The following ITGA7 variants were observed in gnomAD, a reference collection of about 807,000 sequenced individuals.
The protein encoded by ITGA7 is integrin alpha-7.
Under a neutral mutation model 131.6 loss-of-function variants are expected in ITGA7, and 84 were observed. That is an observed-to-expected ratio of 0.64 (90% CI 0.54 to 0.77). ITGA7 has a LOEUF of 0.77. ITGA7 is among the 30% of genes least tolerant of loss of function. The pLI, the probability that ITGA7 is intolerant of heterozygous loss-of-function variation, is 0.00. For synonymous variants in ITGA7, 548 were observed against 600.7 expected, an observed-to-expected ratio of 0.91 and a Z score of 1.28; for missense variants, 1,399 against 1,482.9, an observed-to-expected ratio of 0.94 and a Z score of 0.93.
rs372202806 is a variant in ITGA7, at chr12:55,698,586, G to A, written c.999-10C>T. 5.6e-6 allele frequency: 9 copies of A among 1,614,034 alleles called. No homozygotes were observed. The highest frequency in any genetic ancestry group is 6.8e-6 in the Non-Finnish European group (8 of 1,180,012). ...TATCAGGTCTGGCCAGCTATGGAGA[G>A]AGGGAAACATTCAGTGTGGGTCCTC... is the stretch of plus-strand genomic sequence containing the variant. On this transcript the variant is annotated splice_polypyrimidine_tract_variant and intron_variant, in intron 6 of 24. Transcript: ENST00000257879.
chr12:55,700,511 A>G lies in ITGA7; in HGVS notation c.670+388T>C, dbSNP rs892142234. On this transcript the variant is annotated intron_variant, in intron 4 of 24. Transcript: ENST00000257879. ...GCCTCTTCTTTCTAGCCCTCTCCCC[A>G]CCCTGTCCCCAACCCAGGCTTCCTG... is the stretch of plus-strand genomic sequence containing the variant. The G allele has an allele frequency of 2.4e-6, 3 of 1,262,126 alleles. No homozygotes were observed. The East Asian group carries it at 7.1e-5, about 30-fold the overall frequency. 78.2% of individuals were successfully genotyped at this position (1,262,126 alleles called of 1,614,324 possible).
rs149403824 is a variant in ITGA7 at position 55,694,828 on chromosome 12, T to G, written c.2146A>C (p.Met716Leu). Residue 716 changes from methionine to leucine, a missense_variant, in exon 15 of 25, where the codon ATG (methionine) becomes CTG (leucine). By Grantham distance (15) the Met-to-Leu change is conservative (BLOSUM62 2). Coordinates refer to ENST00000257879, the MANE Select transcript of ITGA7 (RefSeq NM_002206.3). The surrounding 1 kb of genome is among the most constrained non-coding windows in gnomAD (Gnocchi z 5.3). ...DDAHEAQLLVMLPDSLHYSGV... is the reference protein window; with the variant it reads ...DDAHEAQLLVLLPDSLHYSGV... ...GAGTAGTGCAGTGAGTCAGGAAGCA[T>G]GACCAGGAGCTGGGCTTCATGGGCA... is the stretch of plus-strand genomic sequence containing the variant. 6.3e-4 allele frequency: 1,011 copies of G among 1,613,662 alleles called. 7 individuals are homozygous for G. In the African/African-American group the frequency reaches 0.011, roughly 17 times the overall value.
rs2135928614 is a variant in ITGA7 at position 55,684,784 on chromosome 12, T to C, written c.*274A>G. ...TGAATGGGAGAGGAAGGGATTAGGATCCCTTCTCCCCACCTTTGCATCAGG... is the reference window on the plus strand; with the variant it reads ...TGAATGGGAGAGGAAGGGATTAGGACCCCTTCTCCCCACCTTTGCATCAGG... On this transcript the variant is annotated 3_prime_UTR_variant, in exon 25 of 25. Transcript: ENST00000257879. The C allele has an allele frequency of 2.1e-6, 1 of 476,704 alleles. No homozygotes were observed. The highest frequency in any genetic ancestry group is 3.3e-5 in the East Asian group (1 of 30,190). 29.5% of individuals were successfully genotyped at this position (476,704 alleles called of 1,614,324 possible). A position where few individuals can be genotyped will look rare whatever the true frequency, so the allele number is the denominator to read the frequency against.
At chr12:55,713,611 A>G (rs1460083422), upstream of ITGA7, among the ~76,000 whole-genome samples, 1 of 152,268 alleles carries the variant, frequency 6.6e-6, no homozygotes, top group African/African-American at 2.4e-5. Context: ...GAATACATAC[A>G]TGTAAAGTGC....
intron 19 of ITGA7, 43 bp from the exon 20 acceptor site, chr12:55,693,360 C>CA: frequency 1.6e-6 from 2 of 1,221,796 alleles, no homozygotes; most frequent in Non-Finnish European, 2.3e-6. Context: ...CTCAGTTTTT[C>CA]TTTTTTTTTT....
At chr12:55,714,720 A>ATATACATATATATATACACATATATACG (rs1565650602), upstream of ITGA7, among the ~76,000 whole-genome samples, 30 of 140,098 alleles carry the variant, frequency 2.1e-4, no homozygotes, top group East Asian at 1.4e-3. Context: ...ACATATATAC[A>ATATACATATATATATACACATATATACG]TATACATACA....
upstream of ITGA7, among the ~76,000 whole-genome samples, chr12:55,714,055 C>A (rs922256996): frequency 6.6e-6 from 1 of 152,226 alleles, no homozygotes; most frequent in African/African-American, 2.4e-5. Flanking sequence ...CCTGGATACA[C>A]ATTAGAATCA....
chr12:55,695,755 C>T (rs1421116190), intron 13 of ITGA7, 118 bp from the exon 14 acceptor site: 1 of 735,032 alleles, frequency 1.4e-6, no homozygotes, highest in South Asian at 1.5e-5. Context: ...CCTCAACTCT[C>T]AGATCTGCTG....
At chr12:55,691,315 C>T (rs887333316) in intron 21 of ITGA7, among the ~76,000 whole-genome samples, 20 of 151,760 alleles carry the variant, frequency 1.3e-4, no homozygotes, top group African/African-American at 4.6e-4. Flanking sequence ...GGAGTGGAGG[C>T]GGGGTGTGGC....
In ITGA7 at chr12:55,694,080, C is replaced by T. The variant is rs761965919; in HGVS notation, c.2476G>A (p.Gly826Ser). The change falls in exon 19 of 25, where the codon GGC becomes AGC. Residue 826 changes from glycine (G) to serine (S), a missense_variant. By Grantham distance (56) the Gly-to-Ser change is moderately conservative. Transcript: ENST00000257879. The surrounding 1 kb of genome is among the most constrained non-coding windows in gnomAD (Gnocchi z 5.3). The part of the protein sequence containing the change: ...QQLFFSGVVR[G>S]ERAMQSERDV... Reference sequence around the variant, plus strand: ...CGCTCAGACTGCATGGCTCTCTCGCCCCTCACCACACCAGAGAAGAAGAGT... The same window carrying T: ...CGCTCAGACTGCATGGCTCTCTCGCTCCTCACCACACCAGAGAAGAAGAGT... 2.0e-5 allele frequency: 32 copies of T among 1,614,088 alleles called. No individual in the cohort carries two copies. The highest frequency in any genetic ancestry group is 1.6e-4 in the Middle Eastern group (1 of 6,084).
At chr12:55,704,146 G>C (rs1027978514) in intron 1 of ITGA7, among the ~76,000 whole-genome samples, 1 of 152,246 alleles carries the variant, frequency 6.6e-6, no homozygotes, top group African/African-American at 2.4e-5. Context: ...TGCAGAAGGA[G>C]AGACTCAGAA....
chr12:55,712,113 A>G (rs1817434167), upstream of ITGA7: 8 of 1,551,416 alleles, frequency 5.2e-6, no homozygotes, highest in Non-Finnish European at 6.1e-6. Context: ...GGTTGTAGTC[A>G]AAGCTTGAAC....
At position 55,694,162 on chromosome 12, in the gene ITGA7, G is replaced by GGGCCT; in HGVS notation, c.2433-44_2433-40dup. On this transcript the variant is annotated intron_variant, in intron 18 of 24. Coordinates refer to ENST00000257879, the MANE Select transcript of ITGA7 (RefSeq NM_002206.3). The surrounding 1 kb of genome is among the most constrained non-coding windows in gnomAD (Gnocchi z 5.3). ...GTCAGAACAGGGGTGAGAAGGTCTG[G>GGGCCT]GGCCTGGCTCAATGAAGGCAGGGCC... is the stretch of plus-strand genomic sequence containing the variant. 16 of 1,611,432 alleles carry GGGCCT rather than the reference G, an allele frequency of 9.9e-6. No individual in the cohort carries two copies. The highest frequency in any genetic ancestry group is 1.2e-5 in the Non-Finnish European group (14 of 1,177,500).
At chr12:55,702,833 A>ACACACC (rs2136070690) in intron 3 of ITGA7, 39 bp downstream of exon 3, 2 of 1,536,666 alleles carry the variant, frequency 1.3e-6, no homozygotes, top group Non-Finnish European at 1.8e-6. Flanking sequence ...ACACACACAC[A>ACACACC]CCCCATCCGT....
chr12:55,685,072 G>A lies in ITGA7; in HGVS notation c.3400C>T (p.Pro1134Ser). Residue 1134 changes from proline to serine, a missense_variant, in exon 25 of 25, where the codon CCA (proline) becomes TCA (serine). Transcript: ENST00000257879. ...PELGPDGHPG[P>S]GTA is the part of the protein sequence containing the mutation. Reference sequence around the variant, plus strand: ...GACATGGGAACCTAGGCGGTGCCTGGCCCTGGATGCCCATCGGGGCCCAGC... The same window carrying A: ...GACATGGGAACCTAGGCGGTGCCTGACCCTGGATGCCCATCGGGGCCCAGC... 2 of 1,592,184 alleles carry A rather than the reference G, an allele frequency of 1.3e-6. No individual in the cohort carries two copies. Among genetic ancestry groups the A allele is most frequent in the South Asian group, 2.3e-5 (2 of 88,724 alleles).
chr12:55,712,626 G>C (rs988481042), upstream of ITGA7, among the ~76,000 whole-genome samples: 1 of 152,244 alleles, frequency 6.6e-6, no homozygotes, highest in Non-Finnish European at 1.5e-5. Context: ...AGCAGAAAGA[G>C]ACTTCAAATT....
chr12:55,697,181 A>C (rs751493135), intron 11 of ITGA7, 35 bp downstream of exon 11: 299 of 1,578,964 alleles, frequency 1.9e-4, no homozygotes, highest in Non-Finnish European at 2.5e-4. Context: ...TGGGAAACCC[A>C]AAAGGGCGAG....
At position 55,688,896 on chromosome 12, in the gene ITGA7, C is replaced by CG. The variant is rs758624492; in HGVS notation, c.2905dup (p.Arg969ProfsTer153). 6.2e-7 allele frequency: 1 copy of CG among 1,614,008 alleles called. No individual in the cohort carries two copies. Among genetic ancestry groups the CG allele is most frequent in the East Asian group, 2.2e-5 (1 of 44,882 alleles). ...GCCCCAGACATGCAGCACAGCCGCG[C>CG]GGTCAAAGCTGTAGAGTGGGCAGCT... On this transcript the variant is annotated frameshift_variant, in exon 22 of 25. Coordinates refer to ENST00000257879, the MANE Select transcript of ITGA7 (RefSeq NM_002206.3). LOFTEE classifies it high-confidence loss of function.
chr12:55,712,112 C>G, upstream of ITGA7: 1 of 1,551,502 alleles, frequency 6.4e-7, no homozygotes, highest in Non-Finnish European at 8.7e-7. Context: ...TGGTTGTAGT[C>G]AAAGCTTGAA....
Sources: gnomAD v4.1 joint callset for allele counts (sites outside exome capture counted in the v4.1 genomes callset) on GRCh38, gnomAD v4.1.1 for gene constraint, Gnocchi (gnomAD v3.1) non-coding constraint, MANE v1.5 for transcripts, NCBI Gene and HGNC (gene_info 2026-07-23, HGNC 2026-07-21) for gene names.